Variants in CNTN4 observed in about 807,000 individuals in gnomAD.
CNTN4 encodes contactin 4.
In CNTN4, 77 loss-of-function variants were observed where a neutral mutation model predicts 122.5. The observed-to-expected ratio is 0.63, with a 90% CI of 0.52 to 0.76. CNTN4 has a LOEUF of 0.76. Among genes scored for constraint, CNTN4 ranks in the 30% least tolerant of loss-of-function variants. CNTN4 has a pLI of 0.00. For synonymous variants in CNTN4, 512 were observed against 447.0 expected, an observed-to-expected ratio of 1.15 and a Z score of -1.83; for missense variants, 1,256 against 1,259.1, an observed-to-expected ratio of 1.00 and a Z score of 0.04.
chr3:2,335,805 A>T (rs1348828940), intron 2 of CNTN4, among the ~76,000 whole-genome samples: 2 of 152,178 alleles, frequency 1.3e-5, no homozygotes, highest in Non-Finnish European at 2.9e-5. Context: ...CTGAGGTATC[A>T]TTAGATATTT....
chr3:2,299,280 T>G (rs577581420), intron 2 of CNTN4, among the ~76,000 whole-genome samples: 32 of 152,300 alleles, frequency 2.1e-4, no homozygotes, highest in Non-Finnish European at 3.8e-4. Flanking sequence ...TTGGGGAATG[T>G]TTTTATTAAA....
At chr3:2,224,687 A>G (rs1362227711) in intron 2 of CNTN4, among the ~76,000 whole-genome samples, 7 of 152,210 alleles carry the variant, frequency 4.6e-5, no homozygotes, top group Non-Finnish European at 1.0e-4. Flanking sequence ...AGACTTTAGC[A>G]CAATGCTTCT....
At chr3:2,829,586 A>C (rs1309445376) in intron 7 of CNTN4, among the ~76,000 whole-genome samples, 2 of 152,232 alleles carry the variant, frequency 1.3e-5, no homozygotes, top group Non-Finnish European at 2.9e-5. Context: ...GTTATCTCTG[A>C]AATTGGTGAA....
chr3:2,468,324 T>C (rs1422820920), intron 3 of CNTN4, among the ~76,000 whole-genome samples: 1 of 152,142 alleles, frequency 6.6e-6, no homozygotes, highest in Non-Finnish European at 1.5e-5. Flanking sequence ...GCGTGTTCCA[T>C]GTTGTATGCT....
At chr3:2,613,159 CG>C (rs2081571813) in intron 4 of CNTN4, among the ~76,000 whole-genome samples, 1 of 146,222 alleles carries the variant, frequency 6.8e-6, no homozygotes, top group Admixed American at 7.1e-5. Context: ...AGATAGCTTC[CG>C]TAGTTCTAAG....
chr3:2,747,833 C>T lies in CNTN4; in HGVS notation c.358+2136C>T, dbSNP rs2089878725. Among the ~76,000 whole-genome samples the T allele has an allele frequency of 2.0e-5, 3 of 152,210 alleles. No individual in the cohort carries two copies. In the South Asian group the frequency reaches 6.2e-4, roughly 31 times the overall value. ...ATTCATCACGAGGCACCCTGGCCCA[C>T]AGCAGACTGCTCTACTTGTTCAAAA... On this transcript the variant is annotated intron_variant, in intron 6 of 24. Transcript: ENST00000418658.
At chr3:2,948,214 T>A (rs1388357688) in intron 13 of CNTN4, among the ~76,000 whole-genome samples, 3 of 152,212 alleles carry the variant, frequency 2.0e-5, no homozygotes, top group East Asian at 3.9e-4. Flanking sequence ...GTTCTCTTTG[T>A]GGGATTTTGT....
At chr3:2,806,445 G>C (rs932468635) in intron 6 of CNTN4, among the ~76,000 whole-genome samples, 1 of 152,160 alleles carries the variant, frequency 6.6e-6, no homozygotes, top group Admixed American at 6.5e-5. Context: ...GGATGGTAAG[G>C]TCTTCCTAAC....
intron 3 of CNTN4, among the ~76,000 whole-genome samples, chr3:2,435,799 A>G (rs56030427): frequency 7.9e-5 from 12 of 152,180 alleles, no homozygotes. Flanking sequence ...CCTACATGCA[A>G]TCTGTACAAA....
intron 6 of CNTN4, among the ~76,000 whole-genome samples, chr3:2,752,451 C>T (rs188607078): frequency 9.7e-4 from 147 of 152,256 alleles, no homozygotes; most frequent in African/African-American, 3.3e-3. Context: ...CTGCAACCTC[C>T]ACCTCCCGGG....
chr3:2,538,902 A>G (rs1397387303), intron 3 of CNTN4, among the ~76,000 whole-genome samples: 1 of 151,932 alleles, frequency 6.6e-6, no homozygotes, highest in Non-Finnish European at 1.5e-5. Flanking sequence ...TTAATATATT[A>G]TAAATATATT....
chr3:2,885,001 G>A (rs910870467), intron 9 of CNTN4, among the ~76,000 whole-genome samples: 20 of 152,142 alleles, frequency 1.3e-4, no homozygotes, highest in African/African-American at 4.1e-4. Context: ...TAAAGACACC[G>A]ATTATGTACT....
chr3:2,777,242 C>A (rs946158865), intron 6 of CNTN4, among the ~76,000 whole-genome samples: 5 of 152,148 alleles, frequency 3.3e-5, no homozygotes, highest in African/African-American at 1.2e-4. Flanking sequence ...ATGATTAATA[C>A]CCCTAACATG....
chr3:2,332,732 G>A lies in CNTN4; in HGVS notation c.-144-6446G>A, dbSNP rs190507076. On this transcript the variant is annotated intron_variant, in intron 2 of 24. Coordinates refer to ENST00000418658, the MANE Select transcript of CNTN4 (RefSeq NM_175607.3). ...TCTGGGGACTGTTGTGGGGTGGGGGGAGTGGGGAGGGGGGAGGGATAGCTT... is the reference window on the plus strand; with the variant it reads ...TCTGGGGACTGTTGTGGGGTGGGGGAAGTGGGGAGGGGGGAGGGATAGCTT... Among the ~76,000 whole-genome samples the A allele has an allele frequency of 4.7e-3, 565 of 120,110 alleles. 4 individuals are homozygous for A. The highest frequency in any genetic ancestry group is 0.016 in the African/African-American group (513 of 32,686). 78.8% of individuals were successfully genotyped at this position (120,110 alleles called of 152,430 possible). A position where few individuals can be genotyped will look rare whatever the true frequency, so the allele number is the denominator to read the frequency against.
At chr3:2,943,863 C>A (rs1259406130) in intron 13 of CNTN4, among the ~76,000 whole-genome samples, 1 of 151,544 alleles carries the variant, frequency 6.6e-6, no homozygotes, top group Admixed American at 6.6e-5. Flanking sequence ...ACCTCGTGAT[C>A]CACCCGCCAT....
chr3:2,407,855 C>A (rs1267864891), intron 3 of CNTN4, among the ~76,000 whole-genome samples: 1 of 152,202 alleles, frequency 6.6e-6, no homozygotes, highest in Non-Finnish European at 1.5e-5. Flanking sequence ...ATCTTCCCTT[C>A]ATGTAATATT....
intron 3 of CNTN4, among the ~76,000 whole-genome samples, chr3:2,423,549 A>G (rs1465621643): frequency 1.3e-5 from 2 of 151,774 alleles, no homozygotes; most frequent in Non-Finnish European, 2.9e-5. Flanking sequence ...ATTAATAAAC[A>G]TGACTAAAAT....
chr3:2,280,188 G>C (rs933273006), intron 2 of CNTN4, among the ~76,000 whole-genome samples: 7 of 152,032 alleles, frequency 4.6e-5, no homozygotes, highest in Non-Finnish European at 8.8e-5. Context: ...TCAAACTCGT[G>C]GGCTCAAGTG....
At chr3:3,024,504 T>C (rs1262644855) in intron 14 of CNTN4, among the ~76,000 whole-genome samples, 1 of 151,598 alleles carries the variant, frequency 6.6e-6, no homozygotes, top group Non-Finnish European at 1.5e-5. Flanking sequence ...AAATCAGGGG[T>C]TTTCTATCCC....
Sources: allele counts gnomAD v4.1 joint callset (sites outside exome capture counted in the v4.1 genomes callset), GRCh38; gene constraint gnomAD v4.1.1; transcripts MANE v1.5; gene names NCBI Gene and HGNC (gene_info 2026-07-23, HGNC 2026-07-21).